The following PTPRT variants were observed in gnomAD, a reference collection of about 807,000 sequenced individuals.
PTPRT encodes protein tyrosine phosphatase receptor type T, also known as receptor-type tyrosine-protein phosphatase T.
PTPRT carries 56 observed loss-of-function variants against 176.8 expected under a neutral mutation model. The observed-to-expected ratio is 0.32, with a 90% CI of 0.26 to 0.40. PTPRT has a LOEUF of 0.40. PTPRT is among the 10% of genes least tolerant of loss of function. The probability of loss-of-function intolerance (pLI) is 1.00; values close to 1 mark genes in which losing one functional copy is unlikely to be tolerated. For synonymous variants in PTPRT, 783 were observed against 739.0 expected (o/e 1.06, Z -0.96); for missense variants, 1,540 against 1,908.2 (o/e 0.81, Z 3.60).
At chr20:42,554,071 T>C (rs563148421) in intron 7 of PTPRT, among the ~76,000 whole-genome samples, 2 of 152,052 alleles carry the variant, frequency 1.3e-5, no homozygotes, top group East Asian at 3.9e-4. Flanking sequence ...AATATAATCT[T>C]TGCAGGATTT....
intron 7 of PTPRT, among the ~76,000 whole-genome samples, chr20:42,597,389 G>C (rs569873459): frequency 6.6e-6 from 1 of 152,188 alleles, no homozygotes; most frequent in South Asian, 2.1e-4. Context: ...ATTCTATGGC[G>C]ATATGGTTTG....
chr20:42,243,298 T>C (rs560242094), intron 14 of PTPRT, among the ~76,000 whole-genome samples: 1 of 152,230 alleles, frequency 6.6e-6, no homozygotes, highest in African/African-American at 2.4e-5. Context: ...CAGGGGCAGA[T>C]GATATGGATA....
chr20:42,717,814 T>C (rs1280427559), intron 6 of PTPRT, among the ~76,000 whole-genome samples: 1 of 151,926 alleles, frequency 6.6e-6, no homozygotes, highest in Non-Finnish European at 1.5e-5. Flanking sequence ...CAACTCAATA[T>C]AAAAAAACAA....
rs757884334 is a variant in PTPRT at position 43,189,637 on chromosome 20, C to A, written c.88+9G>T. The A allele has an allele frequency of 8.0e-7, 1 of 1,251,766 alleles. No homozygotes were observed. Among genetic ancestry groups the A allele is most frequent in the Non-Finnish European group, 1.0e-6 (1 of 998,224 alleles). 77.5% of individuals were successfully genotyped at this position (1,251,766 alleles called of 1,614,324 possible). On this transcript the variant is annotated intron_variant, in intron 1 of 30. Transcript: ENST00000373187. The surrounding 1 kb of genome is among the most constrained non-coding windows in gnomAD (Gnocchi z 5.0). ...GGGGAGCCCAGGGGAGCCGGGCGGG[C>A]GCACTCACCTGCGGCGCTCTGAGCC...
intron 7 of PTPRT, among the ~76,000 whole-genome samples, chr20:42,622,614 A>G (rs1256443811): frequency 6.6e-6 from 1 of 152,162 alleles, no homozygotes; most frequent in East Asian, 1.9e-4. Context: ...CTTTGGCTCC[A>G]TTGTTGGGTG....
At chr20:42,156,327 G>A (rs1319833338) in intron 17 of PTPRT, among the ~76,000 whole-genome samples, 1 of 152,176 alleles carries the variant, frequency 6.6e-6, no homozygotes, top group Non-Finnish European at 1.5e-5. Flanking sequence ...AGTTCCCAGA[G>A]CCTAGTACAG....
In PTPRT at chr20:42,937,598, G is replaced by C. The variant is rs562710545; in HGVS notation, c.89-51666C>G. On this transcript the variant is annotated intron_variant, in intron 1 of 30. Transcript: ENST00000373187. ...CATTGGCTCCAGTTCACCTTGTGGAGCCACCAGAGAAAATTTCCCCTGCCT... is the reference window on the plus strand; with the variant it reads ...CATTGGCTCCAGTTCACCTTGTGGACCCACCAGAGAAAATTTCCCCTGCCT... Among the ~76,000 whole-genome samples the C allele has an allele frequency of 4.6e-5, 7 of 152,274 alleles. 1 individual carries two copies. The highest frequency in any genetic ancestry group is 2.0e-4 in the Admixed American group (3 of 15,302).
intron 6 of PTPRT, among the ~76,000 whole-genome samples, chr20:42,725,184 C>T (rs955672787): frequency 1.3e-5 from 2 of 151,746 alleles, no homozygotes; most frequent in Non-Finnish European, 2.9e-5. Flanking sequence ...CACACCACCA[C>T]GCCCGGCTAA....
intron 12 of PTPRT, among the ~76,000 whole-genome samples, chr20:42,307,272 A>G (rs1329518248): frequency 6.6e-6 from 1 of 152,204 alleles, no homozygotes; most frequent in Non-Finnish European, 1.5e-5. Flanking sequence ...TCTATTTGCC[A>G]CATTTTTCTT....
At chr20:42,270,517 T>TTA in intron 13 of PTPRT, 3 of 1,448,812 alleles carry the variant, frequency 2.1e-6, no homozygotes, top group Non-Finnish European at 2.8e-6. Context: ...GAAACACACA[T>TTA]GAAAACGTGC....
intron 7 of PTPRT, among the ~76,000 whole-genome samples, chr20:42,643,646 T>C (rs984591846): frequency 7.2e-5 from 11 of 151,972 alleles, no homozygotes; most frequent in African/African-American, 2.7e-4. Context: ...AAATATAAGG[T>C]GCAAAAATTT....
chr20:42,832,348 G>A (rs1417656582), intron 2 of PTPRT, among the ~76,000 whole-genome samples: 1 of 152,142 alleles, frequency 6.6e-6, no homozygotes, highest in Non-Finnish European at 1.5e-5. Context: ...AACAGGCCCT[G>A]TGGCTTACTT....
intron 28 of PTPRT, 26 bp from the exon 29 acceptor site, chr20:42,084,871 T>C: frequency 7.2e-7 from 1 of 1,379,524 alleles, no homozygotes; most frequent in Non-Finnish European, 9.5e-7. Context: ...CTGTTAGGGC[T>C]GTTCTGCTGG....
chr20:43,139,513 C>T (rs982143405), intron 1 of PTPRT, among the ~76,000 whole-genome samples: 1 of 152,194 alleles, frequency 6.6e-6, no homozygotes, highest in Non-Finnish European at 1.5e-5. Flanking sequence ...ACTTGCCACC[C>T]GCAGTGGCAG....
chr20:42,605,480 G>T (rs1284606545), intron 7 of PTPRT, among the ~76,000 whole-genome samples: 1 of 152,182 alleles, frequency 6.6e-6, no homozygotes, highest in African/African-American at 2.4e-5. Context: ...GAAAGGTCAA[G>T]GGCTAGATGA....
intron 1 of PTPRT, among the ~76,000 whole-genome samples, chr20:42,912,322 T>C (rs73910616): frequency 0.029 from 4,447 of 152,306 alleles, 134 homozygotes; most frequent in African/African-American, 0.079. Flanking sequence ...AGGTTGAATG[T>C]TTTTTATAAG....
chr20:42,552,143 C>T (rs2072781924), intron 7 of PTPRT, among the ~76,000 whole-genome samples: 1 of 152,150 alleles, frequency 6.6e-6, no homozygotes, highest in African/African-American at 2.4e-5. Context: ...TGTTGCTGGA[C>T]TCATGATGAA....
At chr20:42,570,575 G>C (rs2073136555) in intron 7 of PTPRT, among the ~76,000 whole-genome samples, 1 of 152,108 alleles carries the variant, frequency 6.6e-6, no homozygotes, top group Middle Eastern at 3.2e-3. Context: ...TCCAGAAAAT[G>C]TAGCCAAAGA....
chr20:42,873,039 G>C (rs903935522), intron 2 of PTPRT, among the ~76,000 whole-genome samples: 1 of 152,218 alleles, frequency 6.6e-6, no homozygotes, highest in Non-Finnish European at 1.5e-5. Flanking sequence ...AGAGGGGCCT[G>C]AGGTAGCTCT....
Sources: gnomAD v4.1 joint callset for allele counts (sites outside exome capture counted in the v4.1 genomes callset) on GRCh38, gnomAD v4.1.1 for gene constraint, Gnocchi (gnomAD v3.1) non-coding constraint, MANE v1.5 for transcripts, NCBI Gene and HGNC (gene_info 2026-07-23, HGNC 2026-07-21) for gene names.